DLC1: variants seen among roughly 807,000 people sequenced by gnomAD.
DLC1 encodes the protein rho GTPase-activating protein 7.
Under a neutral mutation model 140.3 loss-of-function variants are expected in DLC1, and 54 were observed. The ratio of observed to expected loss-of-function variants is 0.38; its 90% CI spans 0.31 to 0.48. The LOEUF (loss-of-function observed/expected upper bound fraction) is 0.48, where lower values mean the gene tolerates loss of function less well. Ranked by LOEUF, DLC1 falls within the 20% of genes least tolerant of loss-of-function variation. The pLI is 0.96. For synonymous variants in DLC1, 986 were observed against 728.1 expected (o/e 1.35, Z -5.70); for missense variants, 2,536 against 1,907.0 (o/e 1.33, Z -6.14).
At chr8:13,095,442 T>G in intron 10 of DLC1, 197 bp from the exon 11 acceptor site, 2 of 635,304 alleles carry the variant, frequency 3.1e-6, no homozygotes, top group Middle Eastern at 4.3e-4. Flanking sequence ...CTTCATCTTT[T>G]GTGCTCAGTA....
At chr8:13,493,166 G>T (rs1801342140) in intron 2 of DLC1, among the ~76,000 whole-genome samples, 1 of 152,170 alleles carries the variant, frequency 6.6e-6, no homozygotes, top group Non-Finnish European at 1.5e-5. Flanking sequence ...CAACAGGCCT[G>T]TGTCATTAAA....
At chr8:13,330,343 G>A (rs1430652038) in intron 4 of DLC1, among the ~76,000 whole-genome samples, 1 of 152,176 alleles carries the variant, frequency 6.6e-6, no homozygotes, top group Non-Finnish European at 1.5e-5. Context: ...CCTGGCAGAG[G>A]TGGAACGTTA....
intron 1 of DLC1, among the ~76,000 whole-genome samples, chr8:13,502,937 A>T (rs553055936): frequency 1.3e-5 from 2 of 152,208 alleles, no homozygotes; most frequent in Non-Finnish European, 2.9e-5. Flanking sequence ...CGTGACATTA[A>T]CATCACAAGA....
chr8:13,355,755 A>G lies in DLC1; in HGVS notation c.1314+37798T>C, dbSNP rs541200047. On this transcript the variant is annotated intron_variant, in intron 4 of 17. Coordinates refer to ENST00000276297, the MANE Select transcript of DLC1 (RefSeq NM_182643.3). ...AGTCCTGGAAAGTATATTTTTTGGCATCTCTAACACAAAGTTGTACTGATT... is the reference window on the plus strand; with the variant it reads ...AGTCCTGGAAAGTATATTTTTTGGCGTCTCTAACACAAAGTTGTACTGATT... Among the ~76,000 whole-genome samples, 5 of 152,182 alleles carry G rather than the reference A, an allele frequency of 3.3e-5. No individual in the cohort carries two copies. The East Asian group carries it at 9.7e-4, about 29-fold the overall frequency.
At position 13,095,033 on chromosome 8, in the gene DLC1, T is replaced by C. The variant is rs1818390256; in HGVS notation, c.3327+53A>G. 3.1e-6 allele frequency: 5 copies of C among 1,613,358 alleles called. No individual in the cohort carries two copies. In the African/African-American group the frequency reaches 6.7e-5, roughly 22 times the overall value. On this transcript the variant is annotated intron_variant, in intron 11 of 17. Transcript: ENST00000276297. ...TTTACACCACACAACTAGAAGAAGC[T>C]GCATGTAATCCGAGCTCCCCTGAGT... is the stretch of plus-strand genomic sequence containing the variant.
At chr8:13,287,763 C>T (rs182902172) in intron 5 of DLC1, among the ~76,000 whole-genome samples, 8 of 151,748 alleles carry the variant, frequency 5.3e-5, no homozygotes, top group Admixed American at 4.6e-4. Flanking sequence ...GCAAGAATGT[C>T]GAAAAGTGAA....
intron 5 of DLC1, among the ~76,000 whole-genome samples, chr8:13,270,657 C>G (rs1830893353): frequency 6.6e-6 from 1 of 152,218 alleles, no homozygotes; most frequent in Admixed American, 6.5e-5. Flanking sequence ...ACAAAAGTCA[C>G]CTCCAGTAGA....
chr8:13,554,906 A>G (rs1803986812), intron 1 of DLC1, among the ~76,000 whole-genome samples: 1 of 152,234 alleles, frequency 6.6e-6, no homozygotes, highest in Admixed American at 6.5e-5. Flanking sequence ...GCAAGGCCCT[A>G]CATGATTGGG....
At chr8:13,528,324 G>A (rs889598121) in intron 1 of DLC1, among the ~76,000 whole-genome samples, 4 of 151,906 alleles carry the variant, frequency 2.6e-5, no homozygotes, top group Non-Finnish European at 5.9e-5. Flanking sequence ...TTTTCATTTA[G>A]TATAAAAATG....
chr8:13,344,566 C>T (rs1020061497), intron 4 of DLC1, among the ~76,000 whole-genome samples: 20 of 152,180 alleles, frequency 1.3e-4, no homozygotes, highest in Admixed American at 9.8e-4. Context: ...ATACAGAGTA[C>T]GGAGTGACAA....
At chr8:13,277,909 T>C (rs549737527) in intron 5 of DLC1, among the ~76,000 whole-genome samples, 17 of 152,342 alleles carry the variant, frequency 1.1e-4, no homozygotes, top group South Asian at 2.1e-4. Context: ...ACTGATCTCC[T>C]GAGTCTTCTA....
At chr8:13,591,101 A>C (rs1205936111) in intron 1 of DLC1, among the ~76,000 whole-genome samples, 1 of 152,128 alleles carries the variant, frequency 6.6e-6, no homozygotes, top group Non-Finnish European at 1.5e-5. Flanking sequence ...TGGGGTTTCT[A>C]AGTCATCGTG....
At chr8:13,238,347 A>G (rs1291745746) in intron 5 of DLC1, among the ~76,000 whole-genome samples, 1 of 152,042 alleles carries the variant, frequency 6.6e-6, no homozygotes, top group Non-Finnish European at 1.5e-5. Flanking sequence ...TCCCGTCTCT[A>G]CAAATAAACA....
intron 4 of DLC1, among the ~76,000 whole-genome samples, chr8:13,354,042 C>CA (rs1554503279): frequency 1.4e-5 from 2 of 146,954 alleles, no homozygotes; most frequent in Non-Finnish European, 1.5e-5. Context: ...ACATACTGAA[C>CA]TTTTTTTTTT....
intron 5 of DLC1, among the ~76,000 whole-genome samples, chr8:13,116,662 G>C (rs897042898): frequency 6.6e-6 from 1 of 152,138 alleles, no homozygotes; most frequent in African/African-American, 2.4e-5. Context: ...GTAACTTTAT[G>C]TTTTCAAAGC....
In DLC1 at chr8:13,092,807, C is replaced by T. The variant is rs747326042; in HGVS notation, c.3545G>A (p.Arg1182His). The T allele has an allele frequency of 1.1e-5, 18 of 1,613,536 alleles. No individual in the cohort carries two copies. The highest frequency in any genetic ancestry group is 8.0e-5 in the African/African-American group (6 of 74,894). ...GATGGCAGCCTTGATGGCCTGCAGGCGCTGGTCCTTGGGCACATCTGCACG... is the reference window on the plus strand; with the variant it reads ...GATGGCAGCCTTGATGGCCTGCAGGTGCTGGTCCTTGGGCACATCTGCACG... ...QIYQYVPKDQ[R>H]LQAIKAAIML... Residue 1182 changes from arginine (R) to histidine (H), a missense_variant, in exon 13 of 18, where the codon CGC becomes CAC. Transcript: ENST00000276297.
At chr8:13,414,024 C>T (rs534121823) in intron 2 of DLC1, among the ~76,000 whole-genome samples, 45 of 152,066 alleles carry the variant, frequency 3.0e-4, no homozygotes, top group African/African-American at 9.4e-4. Flanking sequence ...TAAAAATAAA[C>T]GCTTATTGAA....
At chr8:13,198,308 G>T (rs1827182803) in intron 5 of DLC1, among the ~76,000 whole-genome samples, 1 of 152,162 alleles carries the variant, frequency 6.6e-6, no homozygotes, top group African/African-American at 2.4e-5. Flanking sequence ...CAGTTTCATA[G>T]TTCTTCCATT....
intron 2 of DLC1, among the ~76,000 whole-genome samples, chr8:13,464,780 ATATATATATATT>A (rs1799854807): frequency 2.3e-5 from 2 of 85,360 alleles, no homozygotes; most frequent in Non-Finnish European, 5.3e-5. Context: ...ATATATATAT[ATATATATATATT>A]TATGCTTAAA....
Sources: allele counts gnomAD v4.1 joint callset (sites outside exome capture counted in the v4.1 genomes callset), GRCh38; gene constraint gnomAD v4.1.1; transcripts MANE v1.5; gene names NCBI Gene and HGNC (gene_info 2026-07-23, HGNC 2026-07-21).